The following PCDHA5 variants were observed in gnomAD, a reference collection of about 807,000 sequenced individuals.
PCDHA5 encodes protocadherin alpha 5, also known as protocadherin alpha-5.
PCDHA5 carries 43 observed loss-of-function variants against 61.6 expected under a neutral mutation model. The ratio of observed to expected loss-of-function variants is 0.70; its 90% confidence interval spans 0.55 to 0.90. The LOEUF (loss-of-function observed/expected upper bound fraction) is 0.90, where lower values mean the gene tolerates loss of function less well. PCDHA5 is among the 40% of genes least tolerant of loss of function. PCDHA5 has a pLI of 0.00. For missense variants in PCDHA5, 1,298 were observed against 1,222.7 expected (o/e 1.06, Z -0.92); for synonymous variants, 627 against 543.9 (o/e 1.15, Z -2.13).
chr5:140,933,653 G>GTC (rs1245688430), intron 1 of PCDHA5, among the ~76,000 whole-genome samples: 13 of 151,864 alleles, frequency 8.6e-5, no homozygotes, highest in African/African-American at 2.7e-4. Flanking sequence ...TGGAAATCCT[G>GTC]TCTCTCTCTC....
chr5:140,980,216 G>A (rs1554241518), intron 2 of PCDHA5, among the ~76,000 whole-genome samples: 1 of 152,190 alleles, frequency 6.6e-6, no homozygotes, highest in African/African-American at 2.4e-5. Flanking sequence ...GCTTTTGCCT[G>A]CATCTGAGCT....
intron 1 of PCDHA5, chr5:140,835,612 A>C (rs1226937699): frequency 1.9e-6 from 3 of 1,613,770 alleles, no homozygotes; most frequent in Non-Finnish European, 1.7e-6. Context: ...TTGGTGCTGG[A>C]CAGCGCTCTG....
intron 1 of PCDHA5, among the ~76,000 whole-genome samples, chr5:140,977,512 G>GAAACTTGA: frequency 3.9e-5 from 6 of 152,278 alleles, no homozygotes; most frequent in Admixed American, 3.9e-4. Context: ...AGCATTTTGT[G>GAAACTTGA]AACTTGAAAA....
chr5:140,926,805 G>A, intron 1 of PCDHA5: 2 of 1,452,468 alleles, frequency 1.4e-6, no homozygotes, highest in Non-Finnish European at 9.0e-7. Flanking sequence ...GCTCTTCCCC[G>A]CGGCTCGTGC....
Position 140,838,372 on chromosome 5 carries a change from C to T in PCDHA5, c.2352+14245C>T, listed in dbSNP as rs2150288337. ...ATCTGGGACTCAAGTGATCTGACTG[C>T]CTCAGCCTCCCAATGTGCTGGGATT... On this transcript the variant is annotated intron_variant, in intron 1 of 3. Transcript: ENST00000529859. Among the ~76,000 whole-genome samples the T allele has an allele frequency of 3.3e-5, 5 of 151,128 alleles. No homozygotes were observed. In the South Asian group the frequency reaches 1.0e-3, roughly 32 times the overall value.
At chr5:140,834,895 G>A (rs1773362050) in intron 1 of PCDHA5, 1 of 1,603,034 alleles carries the variant, frequency 6.2e-7, no homozygotes, top group African/African-American at 1.4e-5. Flanking sequence ...CTCACTTACA[G>A]ACTGAGCCCC....
intron 1 of PCDHA5, among the ~76,000 whole-genome samples, chr5:140,956,211 TCCTTG>T (rs2095268091): frequency 6.6e-6 from 1 of 152,198 alleles, no homozygotes; most frequent in Non-Finnish European, 1.5e-5. Flanking sequence ...AAAGAGGGCA[TCCTTG>T]TCTTGTGCTG....
In PCDHA5 at chr5:140,935,562, C is replaced by T. The variant is rs180759633; in HGVS notation, c.2353-43387C>T. Among the ~76,000 whole-genome samples, 423 of 152,262 alleles carry T rather than the reference C, an allele frequency of 2.8e-3. 2 individuals carry two copies. The highest frequency in any genetic ancestry group is 0.014 in the Middle Eastern group (4 of 294). On this transcript the variant is annotated intron_variant, in intron 1 of 3. Transcript: ENST00000529859. Reference sequence around the variant, plus strand: ...TGTTTTAAAGTATCTTGGAAAAGTTCCTCTCTGTGTAGTTAAGCCACCAGC... The same window carrying T: ...TGTTTTAAAGTATCTTGGAAAAGTTTCTCTCTGTGTAGTTAAGCCACCAGC...
At chr5:140,851,384 C>T (rs1414767152) in intron 1 of PCDHA5, 1 of 975,562 alleles carries the variant, frequency 1.0e-6, no homozygotes, top group East Asian at 1.1e-4. Flanking sequence ...CAGCAACCTT[C>T]AGTATCTATT....
At chr5:140,888,610 A>G (rs1180344966) in intron 1 of PCDHA5, among the ~76,000 whole-genome samples, 1 of 152,210 alleles carries the variant, frequency 6.6e-6, no homozygotes, top group African/African-American at 2.4e-5. Context: ...CTTTTAGTGT[A>G]GCACTAATTC....
At chr5:140,909,087 T>G (rs2074309493) in intron 1 of PCDHA5, among the ~76,000 whole-genome samples, 1 of 152,234 alleles carries the variant, frequency 6.6e-6, no homozygotes, top group Admixed American at 6.5e-5. Flanking sequence ...TGTTTGCTAC[T>G]TCTCACTCAC....
intron 1 of PCDHA5, among the ~76,000 whole-genome samples, chr5:140,942,616 T>C (rs2093340049): frequency 1.0e-5 from 1 of 99,878 alleles, no homozygotes. Context: ...TATTTGCCAA[T>C]TGTAAAAAAA....
At position 140,828,002 on chromosome 5, in the gene PCDHA5, G is replaced by A. The variant is rs2150150131; in HGVS notation, c.2352+3875G>A. 1.2e-5 allele frequency: 18 copies of A among 1,499,082 alleles called. No individual in the cohort carries two copies. In the African/African-American group the frequency reaches 1.5e-4, roughly 13 times the overall value. 92.9% of individuals were successfully genotyped at this position (1,499,082 alleles called of 1,614,324 possible). ...TGACTGTTGAATGATGGCGGACGCAGAAGAAATGGATTAATAAATTCCGGA... is the reference window on the plus strand; with the variant it reads ...TGACTGTTGAATGATGGCGGACGCAAAAGAAATGGATTAATAAATTCCGGA... On this transcript the variant is annotated intron_variant, in intron 1 of 3. Transcript: ENST00000529859.
chr5:140,884,314 G>A, intron 1 of PCDHA5: 1 of 1,613,760 alleles, frequency 6.2e-7, no homozygotes, highest in Non-Finnish European at 8.5e-7. Context: ...CGTCGAGGGC[G>A]TCGGCAGGCG....
At chr5:140,863,267 C>T in intron 1 of PCDHA5, 1 of 1,457,902 alleles carries the variant, frequency 6.9e-7, no homozygotes, top group Non-Finnish European at 9.3e-7. Flanking sequence ...CGGGAGGCAG[C>T]GCTGGTGGAT....
At chr5:140,845,060 C>A in intron 1 of PCDHA5, among the ~76,000 whole-genome samples, 1 of 149,380 alleles carries the variant, frequency 6.7e-6, no homozygotes, top group Non-Finnish European at 1.5e-5. Flanking sequence ...TGAAGGTAAC[C>A]TCAAAGCAGC....
chr5:140,873,888 T>C (rs1225763068), intron 1 of PCDHA5, among the ~76,000 whole-genome samples: 2 of 152,232 alleles, frequency 1.3e-5, no homozygotes, highest in African/African-American at 4.8e-5. Flanking sequence ...CTTGAACTCC[T>C]GACCTCAGGT....
chr5:140,841,736 A>C, intron 1 of PCDHA5: 1 of 1,613,716 alleles, frequency 6.2e-7, no homozygotes, highest in South Asian at 1.1e-5. Flanking sequence ...AAAAGACCAA[A>C]AGCTGTTTGT....
At chr5:140,883,973 G>C (rs782157297) in intron 1 of PCDHA5, 1 of 1,612,840 alleles carries the variant, frequency 6.2e-7, no homozygotes, top group Non-Finnish European at 8.5e-7. Flanking sequence ...GCTGACGCCC[G>C]GGGCTGGCAG....
Sources: gnomAD v4.1 joint callset for allele counts (sites outside exome capture counted in the v4.1 genomes callset) on GRCh38, gnomAD v4.1.1 for gene constraint, MANE v1.5 for transcripts, NCBI Gene and HGNC (gene_info 2026-07-23, HGNC 2026-07-21) for gene names.